The following GLT8D2 variants were observed in gnomAD, a reference collection of about 807,000 sequenced individuals.
GLT8D2 encodes the protein glycosyltransferase 8 domain-containing protein 2.
A neutral mutation model predicts 44.5 loss-of-function variants in GLT8D2; 45 were observed. The ratio of observed to expected loss-of-function variants is 1.01; its 90% CI spans 0.80 to 1.30. The LOEUF is 1.30. Ranked by LOEUF, GLT8D2 falls within the 50% of genes most tolerant of loss-of-function variation. The pLI is 0.00. For synonymous variants in GLT8D2, 156 were observed against 157.2 expected, an observed-to-expected ratio of 0.99 and a Z score of 0.06; for missense variants, 400 against 430.4, an observed-to-expected ratio of 0.93 and a Z score of 0.62.
chr12:104,032,879 A>T (rs1232187200), intron 1 of GLT8D2, among the ~76,000 whole-genome samples: 2 of 143,036 alleles, frequency 1.4e-5, no homozygotes, highest in African/African-American at 2.6e-5. Context: ...TTGCAGCACT[A>T]TTTTTTTTTT....
At chr12:104,052,540 C>A (rs940111843), upstream of GLT8D2, among the ~76,000 whole-genome samples, 2 of 152,262 alleles carry the variant, frequency 1.3e-5, no homozygotes, top group Non-Finnish European at 1.5e-5. Flanking sequence ...CTAGGATCTG[C>A]GGCTGCAACA....
At chr12:104,034,699 A>C (rs1278629200) in intron 1 of GLT8D2, among the ~76,000 whole-genome samples, 4 of 152,250 alleles carry the variant, frequency 2.6e-5, no homozygotes, top group Non-Finnish European at 4.4e-5. Context: ...TGTAGACTCC[A>C]CTTCTGGGGG....
At chr12:104,041,492 C>G (rs1478539615) in intron 1 of GLT8D2, among the ~76,000 whole-genome samples, 1 of 152,178 alleles carries the variant, frequency 6.6e-6, no homozygotes, top group Non-Finnish European at 1.5e-5. Flanking sequence ...AGGGGAATTG[C>G]TTGAACCAGG....
At chr12:104,033,792 ATG>A (rs1002550392) in intron 1 of GLT8D2, among the ~76,000 whole-genome samples, 17 of 100,088 alleles carry the variant, frequency 1.7e-4, no homozygotes, top group East Asian at 5.5e-4. Context: ...GTGTGTATAT[ATG>A]TGTGTGTGTG....
At chr12:103,992,183 A>AG (rs1196977257) in intron 10 of GLT8D2, among the ~76,000 whole-genome samples, 1 of 152,202 alleles carries the variant, frequency 6.6e-6, no homozygotes, top group African/African-American at 2.4e-5. Context: ...CCTCTATGCT[A>AG]GGCTCTATGC....
At position 103,994,378 on chromosome 12, in the gene GLT8D2, G is replaced by A. The variant is rs754111178; in HGVS notation, c.724C>T (p.Arg242Cys). The A allele has an allele frequency of 9.9e-6, 16 of 1,613,790 alleles. No individual in the cohort carries two copies. The African/African-American group carries it at 1.2e-4, about 12-fold the overall frequency. Residue 242 changes from arginine (R) to cysteine (C), a missense_variant, in exon 9 of 11, where the codon CGC becomes TGC. Coordinates refer to ENST00000360814, the MANE Select transcript of GLT8D2 (RefSeq NM_001384711.1). ...VANMTEWKHQRITKQLEKWMQ... is the reference protein window; with the variant it reads ...VANMTEWKHQCITKQLEKWMQ... Reference sequence around the variant, plus strand: ...CATTTCTCCAATTGCTTGGTGATGCGCTGGTGCTTCCATTCTGTCATGTTG... The same window carrying A: ...CATTTCTCCAATTGCTTGGTGATGCACTGGTGCTTCCATTCTGTCATGTTG...
At chr12:104,021,921 GA>G (rs1566202311) in intron 1 of GLT8D2, among the ~76,000 whole-genome samples, 2,795 of 28,844 alleles carry the variant, frequency 0.097, 207 homozygotes, top group East Asian at 0.21. Context: ...AGAAGAAGAA[GA>G]AGAAGAAGAA....
chr12:104,063,136 T>A (rs1185562345), intron 1 of GLT8D2, among the ~76,000 whole-genome samples: 3 of 152,138 alleles, frequency 2.0e-5, no homozygotes. Flanking sequence ...AAAATTGTCT[T>A]CCATGAAACC....
At chr12:104,029,722 C>A (rs1879025675) in intron 1 of GLT8D2, 1 of 152,046 alleles carries the variant, frequency 6.6e-6, no homozygotes, top group Non-Finnish European at 1.5e-5. Context: ...CAGTTGGAAC[C>A]CCACTTATAC....
At chr12:103,999,314 A>G (rs536046097) in intron 6 of GLT8D2, 83 bp downstream of exon 6, 6 of 725,402 alleles carry the variant, frequency 8.3e-6, no homozygotes, top group South Asian at 6.9e-5. Context: ...AATATTCCAC[A>G]TGCATCCCGG....
chr12:104,055,038 A>T, upstream of GLT8D2, among the ~76,000 whole-genome samples: 1 of 152,222 alleles, frequency 6.6e-6, no homozygotes, highest in East Asian at 1.9e-4. Flanking sequence ...TGGGGCTAGC[A>T]ATAGCAGGGA....
chr12:104,006,773 T>G (rs887613357), intron 4 of GLT8D2, among the ~76,000 whole-genome samples: 1 of 152,222 alleles, frequency 6.6e-6, no homozygotes, highest in African/African-American at 2.4e-5. Context: ...TTCTAGCACA[T>G]AAGGCTGTGA....
At chr12:103,991,823 T>TAAAA (rs11340919) in intron 10 of GLT8D2, among the ~76,000 whole-genome samples, 22 of 123,170 alleles carry the variant, frequency 1.8e-4, no homozygotes, top group African/African-American at 3.1e-4. Flanking sequence ...TTACGTCCTT[T>TAAAA]AAAAAAAAAA....
At chr12:104,014,276 G>C (rs1016092947) in intron 4 of GLT8D2, 2 of 700,598 alleles carry the variant, frequency 2.9e-6, no homozygotes, top group African/African-American at 3.5e-5. Context: ...GATTGCTTGA[G>C]CCCTGGAGGT....
chr12:103,994,434 G>T lies in GLT8D2; in HGVS notation c.668C>A (p.Thr223Asn). 2 of 1,614,120 alleles carry T rather than the reference G, an allele frequency of 1.2e-6. No individual in the cohort carries two copies. Among genetic ancestry groups the T allele is most frequent in the Admixed American group, 1.7e-5 (1 of 60,010 alleles). The stretch of plus-strand genomic sequence containing the variant: ...AATCACACCAGGATTGAAAGAGCAG[G>T]TGCTGGGGCTGATGCCAAGGTCCTT... ...AIKDLGISPS[T>N]CSFNPGVIVA... Residue 223 changes from threonine (T) to asparagine (N), a missense_variant, in exon 9 of 11, where the codon ACC becomes AAC. Thr to Asn is a moderately conservative substitution (Grantham distance 65, BLOSUM62 0). Coordinates refer to ENST00000360814, the MANE Select transcript of GLT8D2 (RefSeq NM_001384711.1).
At chr12:104,018,494 C>G (rs939170704) in intron 3 of GLT8D2, among the ~76,000 whole-genome samples, 1 of 152,106 alleles carries the variant, frequency 6.6e-6, no homozygotes, top group East Asian at 1.9e-4. Context: ...AGATACTAGA[C>G]TCCATTTAAA....
At chr12:104,016,711 G>GAAAGAAA (rs1288176032) in intron 3 of GLT8D2, among the ~76,000 whole-genome samples, 2 of 30,640 alleles carry the variant, frequency 6.5e-5, no homozygotes, top group African/African-American at 2.2e-4. Context: ...AAGGGAGAGA[G>GAAAGAAA]AAAGAAAGAA....
upstream of GLT8D2, among the ~76,000 whole-genome samples, chr12:104,052,329 A>G (rs1881795615): frequency 6.6e-6 from 1 of 152,198 alleles, no homozygotes; most frequent in African/African-American, 2.4e-5. Context: ...GCATTTTCAT[A>G]TCTTCTATTT....
chr12:104,013,340 GT>G (rs894187057), intron 4 of GLT8D2, among the ~76,000 whole-genome samples: 2 of 151,736 alleles, frequency 1.3e-5, no homozygotes, highest in South Asian at 2.1e-4. Context: ...ATTTAGCATA[GT>G]TTTTTTTCAG....
Sources: gnomAD v4.1 joint callset for allele counts (sites outside exome capture counted in the v4.1 genomes callset) on GRCh38, gnomAD v4.1.1 for gene constraint, MANE v1.5 for transcripts, NCBI Gene and HGNC (gene_info 2026-07-23, HGNC 2026-07-21) for gene names.